The following RB1 variants were observed in gnomAD, a reference collection of about 807,000 sequenced individuals.
The protein encoded by RB1 is retinoblastoma-associated protein.
A neutral mutation model predicts 135.4 loss-of-function variants in RB1; 18 were observed. The observed-to-expected ratio is 0.13, with a 90% CI of 0.09 to 0.20. The LOEUF (loss-of-function observed/expected upper bound fraction) is 0.20, where lower values mean the gene tolerates loss of function less well. RB1 is among the 10% of genes least tolerant of loss of function. The pLI is 1.00. For missense variants in RB1, 868 were observed against 1,110.0 expected (o/e 0.78, Z 3.10); for synonymous variants, 365 against 373.2 (o/e 0.98, Z 0.25).
chr13:48,374,634 A>G (rs917299352), intron 12 of RB1, among the ~76,000 whole-genome samples: 2 of 152,224 alleles, frequency 1.3e-5, no homozygotes, highest in Admixed American at 1.3e-4. Context: ...ATATGCCAAA[A>G]CATATGTACC....
At chr13:48,397,526 G>A (rs865888631) in intron 17 of RB1, among the ~76,000 whole-genome samples, 6 of 152,164 alleles carry the variant, frequency 3.9e-5, no homozygotes, top group South Asian at 2.1e-4. Context: ...ATAGCATTAG[G>A]AAAAATACCT....
chr13:48,345,000 G>T (rs1361084901), intron 3 of RB1, 80 bp from the exon 4 acceptor site: 4 of 1,472,674 alleles, frequency 2.7e-6, no homozygotes, highest in Non-Finnish European at 3.7e-6. Flanking sequence ...CTTTTGAATT[G>T]AAATATCTAT....
chr13:48,309,201 A>G (rs1952111343), intron 2 of RB1, among the ~76,000 whole-genome samples: 1 of 152,100 alleles, frequency 6.6e-6, no homozygotes, highest in Non-Finnish European at 1.5e-5. Context: ...ATCAAAAGCT[A>G]TGAACATTTT....
chr13:48,330,623 C>A (rs1952325341), intron 2 of RB1, among the ~76,000 whole-genome samples: 1 of 152,098 alleles, frequency 6.6e-6, no homozygotes, highest in Non-Finnish European at 1.5e-5. Context: ...AATAGAAAAT[C>A]TGAATGACCA....
intron 2 of RB1, among the ~76,000 whole-genome samples, chr13:48,315,241 G>A (rs758598897): frequency 2.0e-4 from 30 of 152,086 alleles, no homozygotes; most frequent in Admixed American, 1.8e-3. Context: ...TTCTTGTAGA[G>A]AGCTTTCACC....
At chr13:48,353,527 A>T (rs1952566574) in intron 6 of RB1, among the ~76,000 whole-genome samples, 1 of 152,142 alleles carries the variant, frequency 6.6e-6, no homozygotes, top group Admixed American at 6.5e-5. Flanking sequence ...AAGAAGAACT[A>T]ATACCAATCC....
Position 48,314,035 on chromosome 13 carries a change from A to C in RB1, c.264+6629A>C, listed in dbSNP as rs186200992. Among the ~76,000 whole-genome samples, 1,265 of 152,176 alleles carry C rather than the reference A, an allele frequency of 8.3e-3. 21 individuals carry two copies. The highest frequency in any genetic ancestry group is 0.029 in the African/African-American group (1,213 of 41,536). ...AGTGCTGGGATTACAGGCGTGAGCC[A>C]CCGCGCCTGGCCGTATGTTTATTCT... On this transcript the variant is annotated intron_variant, in intron 2 of 26. Coordinates refer to ENST00000267163, the MANE Select transcript of RB1 (RefSeq NM_000321.3).
chr13:48,379,686 G>A (rs767330855), intron 14 of RB1, 36 bp downstream of exon 14: 19 of 1,589,574 alleles, frequency 1.2e-5, no homozygotes, highest in Non-Finnish European at 1.5e-5. Flanking sequence ...TTTCAGCCGG[G>A]CGCGGTGGCT....
At chr13:48,363,505 C>T (rs1952663095) in intron 8 of RB1, among the ~76,000 whole-genome samples, 1 of 152,136 alleles carries the variant, frequency 6.6e-6, no homozygotes, top group African/African-American at 2.4e-5. Context: ...TACAGTGAGA[C>T]ATGATTGCAC....
At chr13:48,447,612 A>G (rs957462340) in intron 17 of RB1, among the ~76,000 whole-genome samples, 2 of 152,140 alleles carry the variant, frequency 1.3e-5, no homozygotes, top group Non-Finnish European at 2.9e-5. Flanking sequence ...GATTTAAGTT[A>G]CTACTATTAT....
intron 17 of RB1, among the ~76,000 whole-genome samples, chr13:48,451,765 CTATT>C (rs1324460754): frequency 3.5e-5 from 5 of 142,904 alleles, no homozygotes; most frequent in African/African-American, 1.0e-4. Context: ...GGTTGGTAGG[CTATT>C]TATTACTGCC....
chr13:48,386,213 G>A (rs1948570682), intron 17 of RB1, among the ~76,000 whole-genome samples: 1 of 152,090 alleles, frequency 6.6e-6, no homozygotes, highest in African/African-American at 2.4e-5. Flanking sequence ...ATTGCTAAAT[G>A]ATGGGGATAC....
At chr13:48,379,915 G>T (rs1174424690) in intron 14 of RB1, 138 bp from the exon 15 acceptor site, 3 of 735,794 alleles carry the variant, frequency 4.1e-6, no homozygotes, top group Non-Finnish European at 5.9e-6. Flanking sequence ...AGCCAAGATT[G>T]TGCCATTTCA....
In RB1 at chr13:48,463,825, C is replaced by G. The variant is rs2138342697; in HGVS notation, c.2201C>G (p.Ala734Gly). 6.3e-7 allele frequency: 1 copy of G among 1,595,224 alleles called. No homozygotes were observed. The highest frequency in any genetic ancestry group is 8.6e-7 in the Non-Finnish European group (1 of 1,163,134). Residue 734 changes from alanine (A) to glycine (G), a missense_variant, in exon 21 of 27, where the codon GCT (alanine) becomes GGT (glycine). By Grantham distance (60) the Ala-to-Gly change is moderately conservative. This residue lies in a region of RB1 where 196 missense variants were observed against 239.8 expected (regional missense o/e 0.82). Transcript: ENST00000267163. ...ACAGCATACAAGGATCTTCCTCATG[C>G]TGTTCAGGAGGTAGGTAATTTTCCA... ...IVTAYKDLPHAVQETFKRVLI... is the reference protein window; with the variant it reads ...IVTAYKDLPHGVQETFKRVLI...
chr13:48,345,009 A>G (rs1244473915), intron 3 of RB1, 71 bp from the exon 4 acceptor site: 18 of 1,502,658 alleles, frequency 1.2e-5, no homozygotes, highest in Non-Finnish European at 1.6e-5. Flanking sequence ...TGAAATATCT[A>G]TGATTTGAAA....
At chr13:48,379,706 A>T in intron 14 of RB1, 56 bp downstream of exon 14, 4 of 1,569,490 alleles carry the variant, frequency 2.5e-6, no homozygotes, top group Non-Finnish European at 3.5e-6. Context: ...TCACGCCTGC[A>T]ATCCCAGCAC....
At chr13:48,408,757 CATTT>C (rs1566209480) in intron 17 of RB1, 3 of 152,076 alleles carry the variant, frequency 2.0e-5, no homozygotes, top group Admixed American at 2.0e-4. Context: ...ACTTTTGATT[CATTT>C]ATCTTCCTGT....
At chr13:48,365,547 C>G (rs1360808614) in intron 9 of RB1, among the ~76,000 whole-genome samples, 2 of 152,088 alleles carry the variant, frequency 1.3e-5, no homozygotes, top group Non-Finnish European at 1.5e-5. Context: ...TAACTGAGAG[C>G]TTTGCATGGT....
chr13:48,436,936 T>G (rs1021928653), intron 17 of RB1, among the ~76,000 whole-genome samples: 1 of 152,200 alleles, frequency 6.6e-6, no homozygotes, highest in Non-Finnish European at 1.5e-5. Flanking sequence ...TATTGTTAAT[T>G]TTTCTACTAG....
Sources: allele counts gnomAD v4.1 joint callset (sites outside exome capture counted in the v4.1 genomes callset), GRCh38; gene constraint gnomAD v4.1.1; regional missense constraint gnomAD v4.1.1; transcripts MANE v1.5; gene names NCBI Gene and HGNC (gene_info 2026-07-23, HGNC 2026-07-21).